Variants in CCDC171 observed in about 807,000 individuals in gnomAD.
CCDC171 encodes the protein coiled-coil domain containing 171.
In CCDC171, 177 loss-of-function variants were observed where a neutral mutation model predicts 168.2. That is an observed-to-expected ratio of 1.05 (90% CI 0.93 to 1.19). The LOEUF (loss-of-function observed/expected upper bound fraction) is 1.19, where lower values mean the gene tolerates loss of function less well. Among genes scored for constraint, CCDC171 ranks in the 50% most tolerant of loss-of-function variants. CCDC171 has a pLI of 0.00. For missense variants in CCDC171, 1,991 were observed against 1,539.0 expected, an observed-to-expected ratio of 1.29 and a Z score of -4.91; for synonymous variants, 687 against 540.8, an observed-to-expected ratio of 1.27 and a Z score of -3.75.
intron 23 of CCDC171, among the ~76,000 whole-genome samples, chr9:15,865,362 T>C (rs559406884): frequency 2.1e-5 from 3 of 142,646 alleles, no homozygotes; most frequent in South Asian, 4.8e-4. Flanking sequence ...CACACACATA[T>C]ATATATGTAT....
At chr9:15,732,614 A>T (rs904511625) in intron 16 of CCDC171, among the ~76,000 whole-genome samples, 1 of 152,168 alleles carries the variant, frequency 6.6e-6, no homozygotes, top group African/African-American at 2.4e-5. Flanking sequence ...ACATTGTTGC[A>T]TATATCAGTA....
intron 6 of CCDC171, among the ~76,000 whole-genome samples, chr9:15,603,084 C>G (rs1345799105): frequency 6.6e-6 from 1 of 152,154 alleles, no homozygotes; most frequent in African/African-American, 2.4e-5. Context: ...TGGGTTCATG[C>G]TATTCTCCTG....
chr9:15,607,615 C>T (rs1372179525), intron 6 of CCDC171, among the ~76,000 whole-genome samples: 1 of 152,048 alleles, frequency 6.6e-6, no homozygotes, highest in Non-Finnish European at 1.5e-5. Flanking sequence ...GCACGTGTCA[C>T]CACACCTGGC....
At chr9:15,899,624 T>G (rs1821365724) in intron 24 of CCDC171, among the ~76,000 whole-genome samples, 1 of 152,204 alleles carries the variant, frequency 6.6e-6, no homozygotes, top group Non-Finnish European at 1.5e-5. Context: ...TGTTTGCTAT[T>G]TGTATATTCT....
chr9:15,885,855 A>G (rs1819326968), intron 24 of CCDC171: 1 of 152,206 alleles, frequency 6.6e-6, no homozygotes, highest in Non-Finnish European at 1.5e-5. Context: ...AAGTACAATG[A>G]TAATTTCTTG....
At chr9:15,944,019 A>G (rs1828017133) in intron 25 of CCDC171, among the ~76,000 whole-genome samples, 2 of 152,028 alleles carry the variant, frequency 1.3e-5, no homozygotes. Flanking sequence ...GTAAGAGAGT[A>G]AGGTTAAACT....
rs571168750 is a variant in CCDC171 at position 15,639,146 on chromosome 9, A to G, written c.822+15733A>G. 2.8e-4 allele frequency among the ~76,000 whole-genome samples: 43 copies of G among 152,142 alleles called. No homozygotes were observed. The Middle Eastern group carries it at 0.01, about 36-fold the overall frequency. On this transcript the variant is annotated intron_variant, in intron 7 of 25. Coordinates refer to ENST00000380701, the MANE Select transcript of CCDC171 (RefSeq NM_173550.4). ...GAAAAGTTGTATTTTACCTTTCATA[A>G]TTGTTGATAAAGACCACCTTGTATG...
At chr9:15,732,076 A>G (rs2054185974) in intron 16 of CCDC171, among the ~76,000 whole-genome samples, 1 of 152,048 alleles carries the variant, frequency 6.6e-6, no homozygotes, top group Non-Finnish European at 1.5e-5. Context: ...AGAGTTCTTT[A>G]CATATCCTGG....
At chr9:15,873,226 G>A (rs1346279201) in intron 23 of CCDC171, among the ~76,000 whole-genome samples, 2 of 152,002 alleles carry the variant, frequency 1.3e-5, no homozygotes, top group African/African-American at 2.4e-5. Flanking sequence ...ACTCAATAGA[G>A]TTTGTTTTGT....
intron 7 of CCDC171, among the ~76,000 whole-genome samples, chr9:15,650,954 A>C (rs1240851295): frequency 6.6e-6 from 1 of 152,020 alleles, no homozygotes; most frequent in Non-Finnish European, 1.5e-5. Context: ...TTTAGGACTT[A>C]TTCCTTCTAA....
chr9:15,989,972 G>A (rs4322119), intron 3 of CCDC171, among the ~76,000 whole-genome samples: 56,137 of 152,022 alleles, frequency 0.37, 10,644 homozygotes, highest in Non-Finnish European at 0.42. Context: ...TGAAAGTGAC[G>A]GGGAGAAAGG....
At chr9:15,583,854 T>C (rs925159781) in intron 4 of CCDC171, among the ~76,000 whole-genome samples, 5 of 152,036 alleles carry the variant, frequency 3.3e-5, no homozygotes, top group Non-Finnish European at 7.4e-5. Context: ...GCTAAAGAAA[T>C]GTTAAGATAT....
downstream of CCDC171, among the ~76,000 whole-genome samples, chr9:16,062,573 A>G (rs1833945705): frequency 6.6e-6 from 1 of 152,154 alleles, no homozygotes; most frequent in Non-Finnish European, 1.5e-5. Flanking sequence ...AAAGAAAACA[A>G]AAAGAAAGTA....
rs540393652 is a variant in CCDC171 at position 15,793,809 on chromosome 9, A to T, written c.3267+9115A>T. 5.3e-5 allele frequency among the ~76,000 whole-genome samples: 8 copies of T among 151,970 alleles called. No individual in the cohort carries two copies. The East Asian group carries it at 1.6e-3, about 30-fold the overall frequency. On this transcript the variant is annotated intron_variant, in intron 21 of 25. Transcript: ENST00000380701. ...TGACCTGCCTGCCTCGGCCTCCCAA[A>T]GTGCTGGGATTATTGATGTGACAGA... is the stretch of plus-strand genomic sequence containing the variant.
In CCDC171 at chr9:15,846,713, G is replaced by A. The variant is rs777652705; in HGVS notation, c.3279G>A (p.Glu1093=). 1.9e-6 allele frequency: 3 copies of A among 1,612,768 alleles called. No individual in the cohort carries two copies. In the African/African-American group the frequency reaches 4.0e-5, roughly 22 times the overall value. The change falls in exon 22 of 26, where the codon GAG becomes GAA. Residue 1093 remains glutamate (E), a synonymous_variant. Transcript: ENST00000380701. The stretch of plus-strand genomic sequence containing the variant: ...CTGTCTGCTTGCAGAGTCTCTCCGA[G>A]GCAAAGATGGAGCTGAGAAGAAAAG... The part of the protein sequence containing the change: ...TLGEAVKSLS[E]AKMELRRKDQ...
chr9:15,613,041 G>A (rs1425194521), intron 6 of CCDC171, among the ~76,000 whole-genome samples: 1 of 152,128 alleles, frequency 6.6e-6, no homozygotes, highest in Non-Finnish European at 1.5e-5. Context: ...TTTTTGTGTT[G>A]ACATAGATTT....
chr9:15,965,687 A>C (rs1187730639), intron 25 of CCDC171, among the ~76,000 whole-genome samples: 1 of 72,026 alleles, frequency 1.4e-5, no homozygotes, highest in Non-Finnish European at 2.8e-5. Flanking sequence ...AGTGAAAAAG[A>C]GAAGGGAAGA....
intron 19 of CCDC171, among the ~76,000 whole-genome samples, chr9:15,778,205 G>C (rs1334110750): frequency 6.6e-6 from 1 of 151,222 alleles, no homozygotes; most frequent in East Asian, 1.9e-4. Flanking sequence ...GCTGAGGCAG[G>C]AGAATGGCGT....
chr9:15,850,167 A>AT (rs1353854120), intron 23 of CCDC171: 1 of 151,960 alleles, frequency 6.6e-6, no homozygotes, highest in East Asian at 1.9e-4. Context: ...CGTCATATAC[A>AT]TGGCATACCC....
Sources: allele counts gnomAD v4.1 joint callset (sites outside exome capture counted in the v4.1 genomes callset), GRCh38; gene constraint gnomAD v4.1.1; transcripts MANE v1.5; gene names NCBI Gene and HGNC (gene_info 2026-07-23, HGNC 2026-07-21).